The following APLP1 variants were observed in gnomAD, a reference collection of about 807,000 sequenced individuals.
APLP1 encodes amyloid beta precursor like protein 1.
A neutral mutation model predicts 84.5 loss-of-function variants in APLP1; 46 were observed. The ratio of observed to expected loss-of-function variants is 0.54; its 90% CI spans 0.43 to 0.70. The LOEUF (loss-of-function observed/expected upper bound fraction) is 0.70. APLP1 is among the 30% of genes least tolerant of loss of function. The probability of loss-of-function intolerance (pLI) is 0.00; values close to 1 mark genes in which losing one functional copy is unlikely to be tolerated. For missense variants in APLP1, 826 were observed against 900.2 expected (o/e 0.92, Z 1.05); for synonymous variants, 376 against 364.0 (o/e 1.03, Z -0.38).
At chr19:35,871,186 G>A (rs2146903010) in intron 3 of APLP1, 51 bp from the exon 4 acceptor site, 1 of 1,577,756 alleles carries the variant, frequency 6.3e-7, no homozygotes, top group Admixed American at 1.8e-5. Context: ...TGAGGAGGGT[G>A]GGGTTGGTGG....
intron 6 of APLP1, 120 bp from the exon 7 acceptor site, chr19:35,872,363 G>A (rs1974175421): frequency 7.4e-7 from 1 of 1,359,996 alleles, no homozygotes. Context: ...CCAGGCAGCA[G>A]CGGTGGCTAA....
In APLP1 at chr19:35,874,637, C is replaced by G; in HGVS notation, c.1190C>G (p.Ala397Gly). 4.3e-6 allele frequency: 7 copies of G among 1,613,654 alleles called. No individual in the cohort carries two copies. The highest frequency in any genetic ancestry group is 5.9e-6 in the Non-Finnish European group (7 of 1,179,994). Residue 397 changes from alanine (A) to glycine (G), a missense_variant, in exon 9 of 17, where the codon GCA becomes GGA. Ala to Gly is a moderately conservative substitution (Grantham distance 60). Coordinates refer to ENST00000221891, the MANE Select transcript of APLP1 (RefSeq NM_001024807.3). This position sits in a 1 kb window ranked among gnomAD's most constrained non-coding sequence, Gnocchi z 6.4. ...QRRAALEGFL[A>G]ALQADPPQAE... is the part of the protein sequence containing the mutation. ...CGGGCTGCCTTGGAGGGCTTCCTGG[C>G]AGCCCTGCAGGCAGATCCGCCTCAG...
Position 35,872,005 on chromosome 19 carries a change from A to C in APLP1, c.819A>C (p.Pro273=), listed in dbSNP as rs772687634. The change falls in exon 6 of 17, where the codon CCA becomes CCC. Residue 273 remains proline, a synonymous_variant. Coordinates refer to ENST00000221891, the MANE Select transcript of APLP1 (RefSeq NM_001024807.3). The part of the protein sequence containing the change: ...AEEEEETVPP[P]SSHTLAVVGK... Reference sequence around the variant, plus strand: ...AGGAAGAGGAAACGGTCCCACCCCCAAGCTCCCATACACTTGCAGTGGTCG... The same window carrying C: ...AGGAAGAGGAAACGGTCCCACCCCCCAGCTCCCATACACTTGCAGTGGTCG... 7.4e-6 allele frequency: 12 copies of C among 1,613,836 alleles called. No individual in the cohort carries two copies. In the Admixed American group the frequency reaches 1.8e-4, roughly 25 times the overall value.
At chr19:35,870,159 TG>T (rs776430115) in intron 2 of APLP1, 6 of 286,130 alleles carry the variant, frequency 2.1e-5, no homozygotes, top group South Asian at 7.2e-5. Context: ...CGCGGAGAGC[TG>T]GGGGGGCGTG....
chr19:35,872,743 C>G (rs1974188341), intron 7 of APLP1, 130 bp downstream of exon 7: 1 of 968,274 alleles, frequency 1.0e-6, no homozygotes, highest in South Asian at 2.0e-5. Context: ...CTCTCAACAC[C>G]ACCCCCTAAG....
chr19:35,875,552 G>A (rs935669505), intron 10 of APLP1, among the ~76,000 whole-genome samples: 1 of 151,936 alleles, frequency 6.6e-6, no homozygotes, highest in African/African-American at 2.4e-5. Context: ...TCTTGAACTC[G>A]ACCTCAGGTG....
chr19:35,872,739 A>C, intron 7 of APLP1, 126 bp downstream of exon 7: 3 of 1,000,320 alleles, frequency 3.0e-6, no homozygotes, highest in South Asian at 3.9e-5. Flanking sequence ...TGAGCTCTCA[A>C]CACCACCCCC....
Position 35,874,287 on chromosome 19 carries a change from G to C in APLP1, c.1057-217G>C, listed in dbSNP as rs1170225513. On this transcript the variant is annotated intron_variant, in intron 8 of 16. Coordinates refer to ENST00000221891, the MANE Select transcript of APLP1 (RefSeq NM_001024807.3). This position sits in a 1 kb window ranked among gnomAD's most constrained non-coding sequence, Gnocchi z 6.4. The stretch of plus-strand genomic sequence containing the variant: ...CAGATTGCTCCCACTCAATCTTACA[G>C]TTTACATCCTCACATTGGCTCCCAG... Among the ~76,000 whole-genome samples, 1 of 152,144 alleles carries C rather than the reference G, an allele frequency of 6.6e-6. No individual in the cohort carries two copies. Among genetic ancestry groups the C allele is most frequent in the Non-Finnish European group, 1.5e-5 (1 of 68,038 alleles).
chr19:35,871,792 AG>A, intron 5 of APLP1, 47 bp downstream of exon 5: 1 of 1,613,372 alleles, frequency 6.2e-7, no homozygotes, highest in South Asian at 1.1e-5. Context: ...TTCCTGAGGC[AG>A]GGGATGGAAG....
intron 12 of APLP1, 47 bp from the exon 13 acceptor site, chr19:35,878,035 C>T: frequency 6.3e-6 from 10 of 1,592,206 alleles, no homozygotes; most frequent in Non-Finnish European, 7.7e-6. Flanking sequence ...TTTGCTGATA[C>T]CCTCCTCTCT....
rs757317559 is a variant in APLP1 at position 35,876,578 on chromosome 19, A to C, written c.1406A>C (p.Gln469Pro). Residue 469 changes from glutamine to proline, a missense_variant, in exon 11 of 17, where the codon CAG (glutamine) becomes CCG (proline). Gln to Pro is a moderately conservative substitution (Grantham distance 76, BLOSUM62 -1). Coordinates refer to ENST00000221891, the MANE Select transcript of APLP1 (RefSeq NM_001024807.3). The part of the protein sequence containing the change: ...RVNQSLGLLD[Q>P]NPHLAQELRP... Reference sequence around the variant, plus strand: ...AATCAGAGCCTGGGCCTGCTTGACCAGAACCCCCACCTGGCTCAGGAGCTG... The same window carrying C: ...AATCAGAGCCTGGGCCTGCTTGACCCGAACCCCCACCTGGCTCAGGAGCTG... 1 of 1,613,684 alleles carries C rather than the reference A, an allele frequency of 6.2e-7. No homozygotes were observed. Among genetic ancestry groups the C allele is most frequent in the Non-Finnish European group, 8.5e-7 (1 of 1,179,830 alleles).
chr19:35,871,627 G>C lies in APLP1; in HGVS notation c.553G>C (p.Gly185Arg). ...QEAQEACSSQ[G>R]LILHGSGMLL... ...CTTCCTACAGGCCTGCAGCTCCCAGGGCCTCATCCTGCACGGCTCGGGCAT... is the reference window on the plus strand; with the variant it reads ...CTTCCTACAGGCCTGCAGCTCCCAGCGCCTCATCCTGCACGGCTCGGGCAT... The change falls in exon 5 of 17, where the codon GGC becomes CGC. Residue 185 changes from glycine to arginine, a missense_variant. Physicochemically the swap from Gly to Arg is moderately radical, Grantham distance 125. Transcript: ENST00000221891. 6.2e-7 allele frequency: 1 copy of C among 1,613,946 alleles called. No homozygotes were observed. The highest frequency in any genetic ancestry group is 8.5e-7 in the Non-Finnish European group (1 of 1,180,010).
At position 35,874,901 on chromosome 19, in the gene APLP1, C is replaced by T. The variant is rs147412714; in HGVS notation, c.1344+32C>T. On this transcript the variant is annotated intron_variant, in intron 10 of 16. Coordinates refer to ENST00000221891, the MANE Select transcript of APLP1 (RefSeq NM_001024807.3). This position sits in a 1 kb window ranked among gnomAD's most constrained non-coding sequence, Gnocchi z 6.4. ...ACATCCTTCCAGCTCCCAAATGCGCCGCTATTCCTCAGACGCCCGCGCCTC... is the reference window on the plus strand; with the variant it reads ...ACATCCTTCCAGCTCCCAAATGCGCTGCTATTCCTCAGACGCCCGCGCCTC... 2.7e-4 allele frequency: 435 copies of T among 1,598,790 alleles called. 2 individuals carry two copies. The African/African-American group carries it at 4.6e-3, about 17-fold the overall frequency.
At position 35,868,661 on chromosome 19, in the gene APLP1, C is replaced by G. The variant is rs1020390542; in HGVS notation, c.25C>G (p.Arg9Gly). The G allele has an allele frequency of 4.3e-6, 6 of 1,389,298 alleles. No individual in the cohort carries two copies. Among genetic ancestry groups the G allele is most frequent in the Non-Finnish European group, 4.7e-6 (5 of 1,074,972 alleles). 86.1% of individuals were successfully genotyped at this position (1,389,298 alleles called of 1,614,324 possible). A position where few individuals can be genotyped will look rare whatever the true frequency, so the allele number is the denominator to read the frequency against. The change falls in exon 1 of 17, where the codon CGC (arginine) becomes GGC (glycine). Residue 9 changes from arginine (R) to glycine (G), a missense_variant. Around this residue, in one of 3 missense-constraint regions of APLP1, gnomAD observed 10 missense variants for 25.4 expected, o/e 0.39. Coordinates refer to ENST00000221891, the MANE Select transcript of APLP1 (RefSeq NM_001024807.3). This position sits in a 1 kb window ranked among gnomAD's most constrained non-coding sequence, Gnocchi z 5.2. ...CATGGGGCCCGCCAGCCCCGCTGCT[C>G]GCGGTCTAAGTCGCCGCCCGGGCCA... MGPASPAA[R>G]GLSRRPGQPP...
chr19:35,870,051 G>C (rs948441842), intron 2 of APLP1: 3 of 583,736 alleles, frequency 5.1e-6, no homozygotes, highest in Non-Finnish European at 6.0e-6. Flanking sequence ...GTAAAGAGTA[G>C]AGGTGTAGGG....
intron 11 of APLP1, among the ~76,000 whole-genome samples, chr19:35,877,344 C>T (rs1331781667): frequency 6.6e-6 from 1 of 152,010 alleles, no homozygotes; most frequent in Non-Finnish European, 1.5e-5. Context: ...CAAAAATCAG[C>T]CGGGCATGAT....
intron 13 of APLP1, 115 bp downstream of exon 13, chr19:35,878,223 C>G: frequency 3.5e-6 from 4 of 1,158,182 alleles, no homozygotes; most frequent in Non-Finnish European, 5.0e-6. Context: ...GTTTGATGTA[C>G]TTTCCAGCCC....
At position 35,869,719 on chromosome 19, in the gene APLP1, G is replaced by A. The variant is rs574157706; in HGVS notation, c.200G>A (p.Arg67Gln). Residue 67 changes from arginine (R) to glutamine (Q), a missense_variant, in exon 2 of 17, where the codon CGG becomes CAG. Physicochemically the swap from Arg to Gln is conservative, Grantham distance 43. Around this residue, in one of 3 missense-constraint regions of APLP1, gnomAD observed 383 missense variants for 378.3 expected, o/e 1.01. Coordinates refer to ENST00000221891, the MANE Select transcript of APLP1 (RefSeq NM_001024807.3). Reference sequence around the variant, plus strand: ...CTATGCGGGCGCCTAACCCTTCACCGGGACCTGCGCACCGGCCGCTGGGAA... The same window carrying A: ...CTATGCGGGCGCCTAACCCTTCACCAGGACCTGCGCACCGGCCGCTGGGAA... ...AGLCGRLTLH[R>Q]DLRTGRWEPD... is the part of the protein sequence containing the mutation. 3.0e-4 allele frequency: 479 copies of A among 1,611,740 alleles called. 9 individuals carry two copies. The South Asian group carries it at 5.0e-3, about 17-fold the overall frequency.
At chr19:35,873,198 G>A (rs186903564) in intron 7 of APLP1, among the ~76,000 whole-genome samples, 1 of 150,564 alleles carries the variant, frequency 6.6e-6, no homozygotes, top group Non-Finnish European at 1.5e-5. Context: ...CTTCCCTCTT[G>A]GGAACCCAGG....
Sources: allele counts gnomAD v4.1 joint callset (sites outside exome capture counted in the v4.1 genomes callset), GRCh38; gene constraint gnomAD v4.1.1; regional missense constraint gnomAD v4.1.1; non-coding constraint Gnocchi (gnomAD v3.1); transcripts MANE v1.5; gene names NCBI Gene and HGNC (gene_info 2026-07-23, HGNC 2026-07-21).